The following KIAA1755 variants were observed in gnomAD, a reference collection of about 807,000 sequenced individuals.
The protein encoded by KIAA1755 is uncharacterized protein KIAA1755.
In KIAA1755, 68 loss-of-function variants were observed where a neutral mutation model predicts 91.7. The observed-to-expected ratio is 0.74, with a 90% confidence interval of 0.61 to 0.91. The LOEUF is 0.91. KIAA1755 is among the 40% of genes least tolerant of loss of function. KIAA1755 has a pLI of 0.00. For missense variants in KIAA1755, 1,535 were observed against 1,494.4 expected (o/e 1.03, Z -0.45); for synonymous variants, 610 against 604.6 (o/e 1.01, Z -0.13).
rs1600572061 is a variant in KIAA1755 at position 38,219,755 on chromosome 20, C to G, written c.2431G>C (p.Ala811Pro). Reference protein sequence around the residue: ...FSPDVRSHLAAATALYSLVDE... With the variant: ...FSPDVRSHLAPATALYSLVDE... ...ACAAGGCTGTACAAGGCAGTGGCTG[C>G]AGCCAGATGGCTCCTGGGAGGTGGG... The change falls in exon 11 of 14, where the codon GCA (alanine) becomes CCA (proline). Residue 811 changes from alanine to proline, a missense_variant. Physicochemically the swap from Ala to Pro is conservative, Grantham distance 27. Transcript: ENST00000279024. 1.2e-6 allele frequency: 2 copies of G among 1,614,152 alleles called. No individual in the cohort carries two copies. The highest frequency in any genetic ancestry group is 1.7e-6 in the Non-Finnish European group (2 of 1,180,008).
At chr20:38,233,464 GTTGGGTCCC>G (rs1223376209) in intron 4 of KIAA1755, 1 of 152,184 alleles carries the variant, frequency 6.6e-6, no homozygotes, top group Non-Finnish European at 1.5e-5. Flanking sequence ...GCAGCTGTTT[GTTGGGTCCC>G]TTGGGTCAGG....
intron 9 of KIAA1755, among the ~76,000 whole-genome samples, 188 bp downstream of exon 9, chr20:38,223,350 A>T (rs113249640): frequency 2.6e-5 from 4 of 152,366 alleles, no homozygotes; most frequent in South Asian, 2.1e-4. Context: ...GGGATAAGTC[A>T]GTTTGCTCCA....
chr20:38,241,873 A>G lies in KIAA1755; in HGVS notation c.258T>C (p.Asp86=). 2 of 1,613,980 alleles carry G rather than the reference A, an allele frequency of 1.2e-6. No individual in the cohort carries two copies. The highest frequency in any genetic ancestry group is 1.7e-6 in the Non-Finnish European group (2 of 1,180,008). ...GGGGTGCCAAGTGGACCACAACTTC[A>G]TCCCTCAGACAGAGTGGCCAGCCCT... is the stretch of plus-strand genomic sequence containing the variant. ...LHEGWPLCLR[D]EVVVHLAPLN... The change falls in exon 3 of 14, where the codon GAT becomes GAC. Residue 86 remains aspartate (D), a synonymous_variant. Coordinates refer to ENST00000279024, the MANE Select transcript of KIAA1755 (RefSeq NM_001029864.2).
At chr20:38,214,684 A>G (rs1235010347) in intron 13 of KIAA1755, among the ~76,000 whole-genome samples, 1 of 152,200 alleles carries the variant, frequency 6.6e-6, no homozygotes, top group Non-Finnish European at 1.5e-5. Context: ...TGAGACTGTC[A>G]GCCACACCAG....
At position 38,229,751 on chromosome 20, in the gene KIAA1755, C is replaced by A. The variant is rs76987896; in HGVS notation, c.1871+1451G>T. 2.2e-3 allele frequency among the ~76,000 whole-genome samples: 331 copies of A among 152,318 alleles called. 4 individuals carry two copies. Among genetic ancestry groups the A allele is most frequent in the African/African-American group, 6.9e-3 (286 of 41,564 alleles). On this transcript the variant is annotated intron_variant, in intron 5 of 13. Transcript: ENST00000279024. Reference sequence around the variant, plus strand: ...TGCCCAGCTTGGTCCTTAGAGCCCTCTTGGTCATGCCCTTTATTCAGGCGA... The same window carrying A: ...TGCCCAGCTTGGTCCTTAGAGCCCTATTGGTCATGCCCTTTATTCAGGCGA...
Position 38,260,600 on chromosome 20 carries a change from T to G in KIAA1755, c.-100A>C. 7.0e-7 allele frequency: 1 copy of G among 1,420,244 alleles called. No individual in the cohort carries two copies. Among genetic ancestry groups the G allele is most frequent in the South Asian group, 1.6e-5 (1 of 62,498 alleles). The allele number at this position is 1,420,244 out of a possible 1,614,324, so 88.0% of individuals were successfully genotyped here. ...GTCTGGGGCAGCCCTCGGTCCCGCC[T>G]AGCCCTGGAGCCAGGGGATAGGGCA... is the stretch of plus-strand genomic sequence containing the variant. On this transcript the variant is annotated 5_prime_UTR_variant, in exon 1 of 14. The change abolishes the stop of an existing upstream ORF in the 5' untranslated region. Coordinates refer to ENST00000279024, the MANE Select transcript of KIAA1755 (RefSeq NM_001029864.2).
intron 2 of KIAA1755, among the ~76,000 whole-genome samples, chr20:38,243,136 T>C (rs1222429736): frequency 6.6e-6 from 1 of 152,254 alleles, no homozygotes; most frequent in Middle Eastern, 3.2e-3. Context: ...GTCTGAGTTC[T>C]GTGGATTGAG....
chr20:38,217,292 G>GT lies in KIAA1755; in HGVS notation c.2861dup (p.Asp954GlufsTer55). 1 of 1,607,676 alleles carries GT rather than the reference G, an allele frequency of 6.2e-7. No homozygotes were observed. The highest frequency in any genetic ancestry group is 8.5e-7 in the Non-Finnish European group (1 of 1,177,790). On this transcript the variant is annotated frameshift_variant, in exon 13 of 14. Transcript: ENST00000279024. LOFTEE classifies it low-confidence loss of function (END_TRUNC). ...GGTGCAGGTGGAGCAGCGTCTCGAG[G>GT]TCCGTGCGTTGCCGCTCGGCCGCCA...
intron 9 of KIAA1755, chr20:38,222,845 T>C: frequency 1.7e-6 from 1 of 579,208 alleles, no homozygotes; most frequent in Non-Finnish European, 3.1e-6. Flanking sequence ...CTGATCTCCC[T>C]GCTGCCCTCT....
chr20:38,212,756 C>A lies in KIAA1755; in HGVS notation c.*286G>T, dbSNP rs1254985251. 2 of 339,620 alleles carry A rather than the reference C, an allele frequency of 5.9e-6. No homozygotes were observed. The highest frequency in any genetic ancestry group is 1.1e-5 in the Non-Finnish European group (2 of 186,016). The allele number at this position is 339,620 out of a possible 1,614,324, so 21.0% of individuals were successfully genotyped here. A position where few individuals can be genotyped will look rare whatever the true frequency, so the allele number is the denominator to read the frequency against. On this transcript the variant is annotated 3_prime_UTR_variant, in exon 14 of 14. Coordinates refer to ENST00000279024, the MANE Select transcript of KIAA1755 (RefSeq NM_001029864.2). ...TCTGGAGGGGTCTGTGCCGACAGGT[C>A]TTTCCACAATGAGAGCCTGGAGGGA... is the stretch of plus-strand genomic sequence containing the variant.
intron 1 of KIAA1755, among the ~76,000 whole-genome samples, chr20:38,250,494 G>GTC (rs2076229699): frequency 1.5e-5 from 2 of 131,974 alleles, no homozygotes; most frequent in East Asian, 4.3e-4. Flanking sequence ...TATGGTGTGT[G>GTC]TGTGTGTGTG....
At chr20:38,257,204 G>A (rs955449267) in intron 1 of KIAA1755, among the ~76,000 whole-genome samples, 14 of 152,170 alleles carry the variant, frequency 9.2e-5, no homozygotes, top group African/African-American at 3.1e-4. Context: ...CAGGAACCAC[G>A]TCCTTATAGA....
At chr20:38,242,350 C>G (rs992160160) in intron 2 of KIAA1755, among the ~76,000 whole-genome samples, 5 of 152,186 alleles carry the variant, frequency 3.3e-5, no homozygotes, top group Non-Finnish European at 7.3e-5. Flanking sequence ...TGCTTAACTT[C>G]TTTGAGCCCC....
At chr20:38,257,603 CT>C (rs2076361571) in intron 1 of KIAA1755, among the ~76,000 whole-genome samples, 1 of 148,396 alleles carries the variant, frequency 6.7e-6, no homozygotes, top group Non-Finnish European at 1.5e-5. Flanking sequence ...AAAAAAAAAC[CT>C]GAACGTGACC....
chr20:38,227,212 A>G lies in KIAA1755; in HGVS notation c.1994T>C (p.Ile665Thr). ...QAQVPASIRA[I>T]LFLGEKEAAL... ...CGCCTCCTTCTCCCCCAGGAAGAGAATAGCCCGGATAGAGGCTGGGACCTG... is the reference window on the plus strand; with the variant it reads ...CGCCTCCTTCTCCCCCAGGAAGAGAGTAGCCCGGATAGAGGCTGGGACCTG... The change falls in exon 7 of 14, where the codon ATT becomes ACT. Residue 665 changes from isoleucine to threonine, a missense_variant. Physicochemically the swap from Ile to Thr is moderately conservative, Grantham distance 89. Coordinates refer to ENST00000279024, the MANE Select transcript of KIAA1755 (RefSeq NM_001029864.2). The G allele has an allele frequency of 6.2e-7, 1 of 1,613,912 alleles. No individual in the cohort carries two copies. Among genetic ancestry groups the G allele is most frequent in the Non-Finnish European group, 8.5e-7 (1 of 1,179,882 alleles).
chr20:38,224,276 T>C (rs1002298312), intron 8 of KIAA1755, among the ~76,000 whole-genome samples: 3 of 152,100 alleles, frequency 2.0e-5, no homozygotes, highest in Non-Finnish European at 4.4e-5. Context: ...TAAGATTTCA[T>C]GTAAAGGAAA....
Position 38,241,143 on chromosome 20 carries a change from G to A in KIAA1755, c.988C>T (p.Pro330Ser), listed in dbSNP as rs1020865030. 2.5e-6 allele frequency: 4 copies of A among 1,613,990 alleles called. No homozygotes were observed. Among genetic ancestry groups the A allele is most frequent in the African/African-American group, 1.3e-5 (1 of 74,920 alleles). Reference sequence around the variant, plus strand: ...GTGCAAGCCCGATTTCCCAAGGAAGGTCCTTCATTGGCCTCTGAGAGAGGC... The same window carrying A: ...GTGCAAGCCCGATTTCCCAAGGAAGATCCTTCATTGGCCTCTGAGAGAGGC... ...ILPLSEANEG[P>S]SLGNRACTKP... The change falls in exon 3 of 14, where the codon CCT becomes TCT. Residue 330 changes from proline (P) to serine (S), a missense_variant. Physicochemically the swap from Pro to Ser is moderately conservative, Grantham distance 74. Coordinates refer to ENST00000279024, the MANE Select transcript of KIAA1755 (RefSeq NM_001029864.2).
intron 1 of KIAA1755, among the ~76,000 whole-genome samples, chr20:38,251,864 C>T (rs1422295664): frequency 2.0e-5 from 3 of 152,170 alleles, no homozygotes; most frequent in African/African-American, 7.2e-5. Flanking sequence ...CTGTGCCTGG[C>T]CCCATTATAA....
At chr20:38,224,073 G>A (rs2075712002) in intron 8 of KIAA1755, among the ~76,000 whole-genome samples, 1 of 152,202 alleles carries the variant, frequency 6.6e-6, no homozygotes, top group Non-Finnish European at 1.5e-5. Flanking sequence ...CTTACAAGCT[G>A]TGAGACCTTG....
Sources: gnomAD v4.1 joint callset for allele counts (sites outside exome capture counted in the v4.1 genomes callset) on GRCh38, gnomAD v4.1.1 for gene constraint, MANE v1.5 for transcripts, NCBI Gene and HGNC (gene_info 2026-07-23, HGNC 2026-07-21) for gene names.